Variants in STON2 observed in about 807,000 individuals in gnomAD.
The protein encoded by STON2 is stonin 2, also known as stonin-2.
A neutral mutation model predicts 65.7 loss-of-function variants in STON2; 29 were observed. The observed-to-expected ratio is 0.44, with a 90% CI of 0.33 to 0.60. The LOEUF (loss-of-function observed/expected upper bound fraction) is 0.60. Among genes scored for constraint, STON2 ranks in the 20% least tolerant of loss-of-function variants. The pLI is 0.03. For synonymous variants in STON2, 404 were observed against 414.2 expected (o/e 0.98, Z 0.30); for missense variants, 1,054 against 1,118.1 (o/e 0.94, Z 0.82).
chr14:81,272,647 A>T (rs898570486), intron 6 of STON2, among the ~76,000 whole-genome samples: 3 of 152,206 alleles, frequency 2.0e-5, no homozygotes, highest in Admixed American at 2.0e-4. Context: ...ATATTGAAAA[A>T]TTTGCACTGA....
chr14:81,284,194 G>A (rs1895243706), intron 5 of STON2, among the ~76,000 whole-genome samples: 1 of 152,132 alleles, frequency 6.6e-6, no homozygotes, highest in African/African-American at 2.4e-5. Context: ...TCCCACTATG[G>A]CCTCTAAGTA....
intron 3 of STON2, chr14:81,395,652 C>A: frequency 2.0e-6 from 1 of 490,438 alleles, no homozygotes; most frequent in Non-Finnish European, 3.6e-6. Context: ...AAGTCAACAG[C>A]CAGGGACAAG....
intron 6 of STON2, among the ~76,000 whole-genome samples, chr14:81,275,364 C>T (rs973099479): frequency 6.6e-6 from 1 of 152,118 alleles, no homozygotes; most frequent in Non-Finnish European, 1.5e-5. Context: ...AGATACGTCA[C>T]ATCACCTTCC....
chr14:81,353,119 C>CA (rs1012665350), intron 4 of STON2, among the ~76,000 whole-genome samples: 7 of 151,436 alleles, frequency 4.6e-5, no homozygotes, highest in African/African-American at 7.3e-5. Context: ...TGAATTAATT[C>CA]AAAAAAAATT....
chr14:81,362,988 C>T (rs927890417), intron 4 of STON2, among the ~76,000 whole-genome samples: 4 of 152,010 alleles, frequency 2.6e-5, no homozygotes, highest in East Asian at 1.9e-4. Context: ...AGAAATGTGG[C>T]GGAGGCAGCA....
At chr14:81,394,194 CA>C (rs373665876) in intron 3 of STON2, among the ~76,000 whole-genome samples, 16 of 137,240 alleles carry the variant, frequency 1.2e-4, no homozygotes, top group South Asian at 4.7e-4. Context: ...CCATCTCAAA[CA>C]AAAAAAAAAG....
chr14:81,428,699 G>A (rs1320167970), intron 1 of STON2, among the ~76,000 whole-genome samples: 2 of 151,958 alleles, frequency 1.3e-5, no homozygotes, highest in Admixed American at 6.6e-5. Flanking sequence ...CTCCAGCCTG[G>A]GTGACACAAT....
chr14:81,383,345 T>G (rs1026082887), intron 3 of STON2, among the ~76,000 whole-genome samples: 2 of 152,226 alleles, frequency 1.3e-5, no homozygotes, highest in Non-Finnish European at 2.9e-5. Flanking sequence ...GATGAGGCAC[T>G]AGCAAAAGTG....
chr14:81,407,331 A>T (rs1005438943), intron 2 of STON2, among the ~76,000 whole-genome samples: 1 of 152,230 alleles, frequency 6.6e-6, no homozygotes, highest in African/African-American at 2.4e-5. Flanking sequence ...CAGAAATTTT[A>T]TAAATTATAT....
chr14:81,341,032 T>A (rs1420941892), intron 4 of STON2, among the ~76,000 whole-genome samples: 1 of 152,128 alleles, frequency 6.6e-6, no homozygotes, highest in Non-Finnish European at 1.5e-5. Context: ...TCCTCCTCTG[T>A]AAAAAGGAAG....
Position 81,398,490 on chromosome 14 carries a change from A to C in STON2, c.-108T>G. 1 of 800,838 alleles carries C rather than the reference A, an allele frequency of 1.2e-6. No individual in the cohort carries two copies. Among genetic ancestry groups the C allele is most frequent in the Non-Finnish European group, 2.1e-6 (1 of 474,630 alleles). 49.6% of individuals were successfully genotyped at this position (800,838 alleles called of 1,614,324 possible). Reference sequence around the variant, plus strand: ...ATGGTAGTACGGTAGACTTGGGTCCAGGGTCTGTTCTAGGTGTCTTGCCAA... The same window carrying C: ...ATGGTAGTACGGTAGACTTGGGTCCCGGGTCTGTTCTAGGTGTCTTGCCAA... On this transcript the variant is annotated 5_prime_UTR_variant, in exon 2 of 8. Coordinates refer to ENST00000614646, the MANE Select transcript of STON2 (RefSeq NM_001394390.1).
intron 1 of STON2, among the ~76,000 whole-genome samples, chr14:81,433,625 G>T (rs995545203): frequency 6.6e-6 from 1 of 152,228 alleles, no homozygotes; most frequent in Non-Finnish European, 1.5e-5. Flanking sequence ...AACAGCATGA[G>T]AGCTGAAGTG....
chr14:81,359,370 A>C (rs1405212594), intron 4 of STON2, among the ~76,000 whole-genome samples: 3 of 152,222 alleles, frequency 2.0e-5, no homozygotes, highest in African/African-American at 7.2e-5. Context: ...CAACTTATGG[A>C]ATGTGGCAAA....
At chr14:81,333,204 T>C (rs761427408) in intron 4 of STON2, 206 of 1,017,694 alleles carry the variant, frequency 2.0e-4, no homozygotes, top group Non-Finnish European at 2.9e-4. Flanking sequence ...TGACATCCAG[T>C]GTGGTCTTGT....
intron 4 of STON2, among the ~76,000 whole-genome samples, chr14:81,358,170 G>T (rs547382122): frequency 3.3e-5 from 5 of 151,648 alleles, no homozygotes; most frequent in Non-Finnish European, 5.9e-5. Flanking sequence ...TAGCATTAAG[G>T]GTTAAAAAAC....
intron 5 of STON2, among the ~76,000 whole-genome samples, chr14:81,307,237 C>T (rs371951971): frequency 6.6e-6 from 1 of 152,172 alleles, no homozygotes; most frequent in Non-Finnish European, 1.5e-5. Flanking sequence ...TGCACTGATG[C>T]AATTATAACA....
Position 81,278,127 on chromosome 14 carries a change from T to A in STON2, c.1355A>T (p.His452Leu). Residue 452 changes from histidine (H) to leucine (L), a missense_variant, in exon 6 of 8, where the codon CAC becomes CTC. Coordinates refer to ENST00000614646, the MANE Select transcript of STON2 (RefSeq NM_001394390.1). ...ATCAGGTAGAGTTGCACTGCCAAAG[T>A]GATCAGGGTCATCAATTTGGAGTTG... ...LKQLQIDDPD[H>L]FGSATLPDDD... is the part of the protein sequence containing the mutation. 6.2e-7 allele frequency: 1 copy of A among 1,614,212 alleles called. No individual in the cohort carries two copies. Among genetic ancestry groups the A allele is most frequent in the Non-Finnish European group, 8.5e-7 (1 of 1,180,048 alleles).
rs1901735600 is a variant in STON2, at chr14:81,422,163, C to T, written c.-199+4939G>A. Reference sequence around the variant, plus strand: ...TTGATCCCCAGTGTTGGTGGTGGGGCTCAGTAAGAGGTGTTTGGATGGTGA... The same window carrying T: ...TTGATCCCCAGTGTTGGTGGTGGGGTTCAGTAAGAGGTGTTTGGATGGTGA... On this transcript the variant is annotated intron_variant, in intron 2 of 8. Coordinates refer to the STON2 transcript ENST00000553821. Among the ~76,000 whole-genome samples the T allele has an allele frequency of 2.0e-5, 3 of 152,138 alleles. 1 individual carries two copies. The highest frequency in any genetic ancestry group is 4.1e-4 in the South Asian group (2 of 4,826).
At chr14:81,436,271 C>T (rs1030394477) in intron 1 of STON2, 1 of 151,592 alleles carries the variant, frequency 6.6e-6, no homozygotes, top group African/African-American at 2.4e-5. Context: ...CTGCGGGGCC[C>T]CTCTTGGGGG....
Sources: gnomAD v4.1 joint callset for allele counts (sites outside exome capture counted in the v4.1 genomes callset) on GRCh38, gnomAD v4.1.1 for gene constraint, MANE v1.5 for transcripts, NCBI Gene and HGNC (gene_info 2026-07-23, HGNC 2026-07-21) for gene names.